Variants in PIGF observed in about 807,000 individuals in gnomAD.
PIGF encodes phosphatidylinositol glycan anchor biosynthesis class F.
A neutral mutation model predicts 26.0 loss-of-function variants in PIGF; 23 were observed. That is an observed-to-expected ratio of 0.88 (90% CI 0.64 to 1.25). The LOEUF is 1.25. Ranked by LOEUF, PIGF falls within the 50% of genes most tolerant of loss-of-function variation. The pLI is 0.00. For synonymous variants in PIGF, 93 were observed against 92.6 expected, an observed-to-expected ratio of 1.00 and a Z score of -0.03; for missense variants, 278 against 249.9, an observed-to-expected ratio of 1.11 and a Z score of -0.76.
intron 4 of PIGF, among the ~76,000 whole-genome samples, chr2:46,610,732 G>A (rs1193347156): frequency 6.6e-6 from 1 of 151,974 alleles, no homozygotes; most frequent in Non-Finnish European, 1.5e-5. Context: ...GTTTCACCAT[G>A]TTGGCCAGGC....
chr2:46,584,446 TG>T (rs1218403077), intron 5 of PIGF, among the ~76,000 whole-genome samples: 1 of 152,186 alleles, frequency 6.6e-6, no homozygotes, highest in African/African-American at 2.4e-5. Context: ...GTTACTAAAT[TG>T]TATTTTAATC....
intron 4 of PIGF, among the ~76,000 whole-genome samples, chr2:46,593,408 G>A (rs1451248705): frequency 6.6e-6 from 1 of 152,186 alleles, no homozygotes; most frequent in Non-Finnish European, 1.5e-5. Context: ...TGGGATTATA[G>A]GCATGAGCCA....
intron 4 of PIGF, among the ~76,000 whole-genome samples, chr2:46,609,634 T>C (rs748358689): frequency 3.9e-5 from 6 of 152,100 alleles, no homozygotes; most frequent in Admixed American, 2.0e-4. Flanking sequence ...TAAGAGACCA[T>C]AGTATGGTTA....
chr2:46,593,706 A>G (rs147222995), intron 4 of PIGF, among the ~76,000 whole-genome samples: 45 of 152,346 alleles, frequency 3.0e-4, no homozygotes, highest in African/African-American at 9.4e-4. Flanking sequence ...GCCCACTGCA[A>G]TGCACTAAGT....
chr2:46,592,664 C>G, intron 4 of PIGF, 81 bp from the exon 5 acceptor site: 1 of 731,794 alleles, frequency 1.4e-6, no homozygotes, highest in South Asian at 1.5e-5. Flanking sequence ...CACACATTAT[C>G]AGTATACATA....
chr2:46,604,780 G>T (rs562118363), intron 4 of PIGF, among the ~76,000 whole-genome samples: 6 of 151,940 alleles, frequency 3.9e-5, no homozygotes, highest in African/African-American at 1.2e-4. Flanking sequence ...GAATGAGTAA[G>T]ATCTAGTATT....
chr2:46,598,454 T>C (rs535186414), intron 4 of PIGF, among the ~76,000 whole-genome samples: 10 of 151,490 alleles, frequency 6.6e-5, no homozygotes, highest in Non-Finnish European at 1.5e-4. Flanking sequence ...CCACGGCCCA[T>C]AGGCCACATG....
At chr2:46,609,022 T>TG (rs1328775856) in intron 4 of PIGF, among the ~76,000 whole-genome samples, 2 of 152,252 alleles carry the variant, frequency 1.3e-5, no homozygotes, top group African/African-American at 4.8e-5. Context: ...AGGTGGCCAC[T>TG]GACTTCTCCT....
chr2:46,590,896 A>G (rs1669703834), intron 5 of PIGF, among the ~76,000 whole-genome samples: 1 of 152,218 alleles, frequency 6.6e-6, no homozygotes, highest in South Asian at 2.1e-4. Flanking sequence ...AACATGAAAC[A>G]ACAATTTGAC....
At chr2:46,587,945 C>T (rs1289882706) in intron 5 of PIGF, 5 of 634,764 alleles carry the variant, frequency 7.9e-6, no homozygotes, top group Admixed American at 4.3e-5. Flanking sequence ...TGAAAAGAAT[C>T]ATGGTGTAGT....
chr2:46,610,973 T>C (rs1231147900), intron 4 of PIGF, among the ~76,000 whole-genome samples: 3 of 152,212 alleles, frequency 2.0e-5, no homozygotes, highest in Non-Finnish European at 4.4e-5. Flanking sequence ...CTTTTATCCA[T>C]TCTCCTTGCA....
At chr2:46,584,232 G>T (rs559393190) in intron 5 of PIGF, among the ~76,000 whole-genome samples, 2 of 152,086 alleles carry the variant, frequency 1.3e-5, no homozygotes, top group East Asian at 3.9e-4. Flanking sequence ...TACTATCTAC[G>T]TAAAGCACTG....
chr2:46,615,551 C>G (rs1227680937), intron 1 of PIGF: 1 of 163,444 alleles, frequency 6.1e-6, no homozygotes, highest in African/African-American at 2.4e-5. Flanking sequence ...TATCTACTGC[C>G]TGTTGCAATT....
At chr2:46,594,880 C>T (rs1669835063) in intron 4 of PIGF, among the ~76,000 whole-genome samples, 1 of 149,932 alleles carries the variant, frequency 6.7e-6, no homozygotes, top group Non-Finnish European at 1.5e-5. Context: ...GATGGAGTTT[C>T]GCTCTTGTTG....
In PIGF at chr2:46,581,477, G is replaced by T. The variant is rs375902379; in HGVS notation, c.*1C>A. On this transcript the variant is annotated 3_prime_UTR_variant, in exon 6 of 6. Coordinates refer to ENST00000281382, the MANE Select transcript of PIGF (RefSeq NM_002643.4). ...CAAAGAAATATCTCCCTTTGCTCCA[G>T]TTAATTGTTCTTGTATGTAAGTTGC... 3.1e-6 allele frequency: 5 copies of T among 1,610,420 alleles called. No individual in the cohort carries two copies. The highest frequency in any genetic ancestry group is 2.5e-6 in the Non-Finnish European group (3 of 1,178,976).
intron 5 of PIGF, among the ~76,000 whole-genome samples, chr2:46,587,854 A>T (rs995052807): frequency 6.6e-6 from 1 of 152,200 alleles, no homozygotes; most frequent in Admixed American, 6.5e-5. Flanking sequence ...AATGAAATAT[A>T]ATAAGTAATT....
intron 5 of PIGF, chr2:46,582,631 T>A (rs1245481064): frequency 6.6e-6 from 1 of 152,650 alleles, no homozygotes; most frequent in Admixed American, 6.5e-5. Flanking sequence ...TTATAATTTT[T>A]TAAATGTCTT....
intron 4 of PIGF, 145 bp from the exon 5 acceptor site, chr2:46,592,728 A>G (rs1396749567): frequency 1.7e-6 from 1 of 582,814 alleles, no homozygotes; most frequent in Non-Finnish European, 3.1e-6. Flanking sequence ...CATATTTACC[A>G]TGAACTATTA....
chr2:46,585,012 T>C (rs1442055290), intron 5 of PIGF, among the ~76,000 whole-genome samples: 1 of 152,230 alleles, frequency 6.6e-6, no homozygotes, highest in African/African-American at 2.4e-5. Context: ...GGTTTTCCTT[T>C]AAAACTATTT....
Sources: gnomAD v4.1 joint callset for allele counts (sites outside exome capture counted in the v4.1 genomes callset) on GRCh38, gnomAD v4.1.1 for gene constraint, MANE v1.5 for transcripts, NCBI Gene and HGNC (gene_info 2026-07-23, HGNC 2026-07-21) for gene names.